The following HDAC7 variants were observed in gnomAD, a reference collection of about 807,000 sequenced individuals.
The protein encoded by HDAC7 is histone deacetylase 7.
HDAC7 carries 26 observed loss-of-function variants against 115.5 expected under a neutral mutation model. The observed-to-expected ratio is 0.23, with a 90% CI of 0.16 to 0.31. HDAC7 has a LOEUF of 0.31. Ranked by LOEUF, HDAC7 falls within the 10% of genes least tolerant of loss-of-function variation. The probability of loss-of-function intolerance (pLI) is 1.00; values close to 1 mark genes in which losing one functional copy is unlikely to be tolerated. For missense variants in HDAC7, 1,068 were observed against 1,329.0 expected (o/e 0.80, Z 3.05); for synonymous variants, 564 against 550.9 (o/e 1.02, Z -0.33).
intron 22 of HDAC7, 99 bp downstream of exon 22, chr12:47,786,486 C>G: frequency 1.2e-6 from 1 of 824,098 alleles, no homozygotes; most frequent in Non-Finnish European, 2.0e-6. Flanking sequence ...CCTGGGCTGG[C>G]CACTGCCACC....
intron 1 of HDAC7, among the ~76,000 whole-genome samples, chr12:47,808,823 T>G (rs1470813124): frequency 1.3e-5 from 2 of 152,172 alleles, no homozygotes; most frequent in African/African-American, 4.8e-5. Context: ...TGGGCTCCCC[T>G]AGTCCACACT....
intron 1 of HDAC7, among the ~76,000 whole-genome samples, chr12:47,814,480 A>G (rs1944794646): frequency 6.6e-6 from 1 of 152,056 alleles, no homozygotes. Context: ...GAAACAGGAG[A>G]GCTCCTGGGG....
rs745928925 is a variant in HDAC7, at chr12:47,793,946, T to C, written c.1459-358A>G. Among the ~76,000 whole-genome samples the C allele has an allele frequency of 3.8e-4, 58 of 152,310 alleles. No homozygotes were observed. Among genetic ancestry groups the C allele is most frequent in the Middle Eastern group, 3.4e-3 (1 of 294 alleles). On this transcript the variant is annotated intron_variant, in intron 12 of 25. Coordinates refer to ENST00000080059, the MANE Select transcript of HDAC7 (RefSeq NM_015401.5). The surrounding 1 kb of genome is among the most constrained non-coding windows in gnomAD (Gnocchi z 4.5). ...GTGTGTGGCCTGTCATCATGTGTTA[T>C]GGAGTAAATTATGTTCCCCACCCTC...
At chr12:47,792,662 G>A (rs551736113) in intron 13 of HDAC7, 110 of 455,974 alleles carry the variant, frequency 2.4e-4, no homozygotes, top group South Asian at 1.7e-3. Context: ...TACTTCTTTA[G>A]AGTGAACCTT....
At chr12:47,794,676 G>A (rs573966881) in intron 12 of HDAC7, 84 bp downstream of exon 12, 115 of 1,363,564 alleles carry the variant, frequency 8.4e-5, no homozygotes, top group Non-Finnish European at 1.1e-4. Flanking sequence ...CACTGATGTC[G>A]TATCTCCCTC....
intron 23 of HDAC7, 30 bp from the exon 24 acceptor site, chr12:47,785,501 C>A: frequency 1.3e-6 from 2 of 1,584,950 alleles, no homozygotes; most frequent in South Asian, 1.2e-5. Flanking sequence ...AGCCACCAGT[C>A]TCTCAGGGAC....
chr12:47,793,190 G>C lies in HDAC7; in HGVS notation c.1678+179C>G. ...TGTCACCTTAGATTTCGTGAGCCTTGGTCCTCATCGGCCAAATGCAATAAC... is the reference window on the plus strand; with the variant it reads ...TGTCACCTTAGATTTCGTGAGCCTTCGTCCTCATCGGCCAAATGCAATAAC... On this transcript the variant is annotated intron_variant, in intron 13 of 25. Transcript: ENST00000080059. The surrounding 1 kb of genome is among the most constrained non-coding windows in gnomAD (Gnocchi z 4.5). 1 of 555,758 alleles carries C rather than the reference G, an allele frequency of 1.8e-6. No individual in the cohort carries two copies. 34.4% of individuals were successfully genotyped at this position (555,758 alleles called of 1,614,324 possible). A position where few individuals can be genotyped will look rare whatever the true frequency, so the allele number is the denominator to read the frequency against.
intron 20 of HDAC7, 40 bp from the exon 21 acceptor site, chr12:47,787,849 G>A (rs1241641471): frequency 3.2e-6 from 5 of 1,576,494 alleles, no homozygotes; most frequent in South Asian, 1.1e-5. Context: ...GGACAGCAGA[G>A]TCCCAGAAGG....
At position 47,794,951 on chromosome 12, in the gene HDAC7, T is replaced by C. The variant is rs1943727542; in HGVS notation, c.1285-18A>G. ...GCTGACCTCTGGGGAGGGGAGAACC[T>C]GGCTGAGAAGCCATGGTGGAGCGAG... On this transcript the variant is annotated intron_variant, in intron 11 of 25. Transcript: ENST00000080059. The C allele has an allele frequency of 5.6e-6, 9 of 1,601,162 alleles. No individual in the cohort carries two copies. Among genetic ancestry groups the C allele is most frequent in the Non-Finnish European group, 7.7e-6 (9 of 1,174,126 alleles).
At chr12:47,787,995 T>G (rs6580637) in intron 20 of HDAC7, 50 bp downstream of exon 20, 2 of 1,592,466 alleles carry the variant, frequency 1.3e-6, no homozygotes, top group Non-Finnish European at 1.7e-6. Context: ...AGAGTAAGTG[T>G]CAGGAGGAGG....
intron 13 of HDAC7, chr12:47,792,308 C>A: frequency 4.4e-6 from 2 of 451,532 alleles, no homozygotes; most frequent in East Asian, 8.1e-5. Flanking sequence ...TGCTGGGTGG[C>A]CCAGGACTCG....
Position 47,803,696 on chromosome 12 carries a change from C to A in HDAC7, c.20-1422G>T, listed in dbSNP as rs1273573359. Among the ~76,000 whole-genome samples, 1 of 152,192 alleles carries A rather than the reference C, an allele frequency of 6.6e-6. No homozygotes were observed. The highest frequency in any genetic ancestry group is 1.5e-5 in the Non-Finnish European group (1 of 68,034). On this transcript the variant is annotated intron_variant, in intron 1 of 25. Coordinates refer to ENST00000080059, the MANE Select transcript of HDAC7 (RefSeq NM_015401.5). This position sits in a 1 kb window ranked among gnomAD's most constrained non-coding sequence, Gnocchi z 4.0. ...AAGCCATGCCCATCTGCACCAAACA[C>A]CTCGCAGGGCACGTGGCAGGCTCTG...
In HDAC7 at chr12:47,795,064, A is replaced by C. The variant is rs1943734724; in HGVS notation, c.1284+120T>G. On this transcript the variant is annotated intron_variant, in intron 11 of 25. Transcript: ENST00000080059. The surrounding 1 kb of genome is among the most constrained non-coding windows in gnomAD (Gnocchi z 4.3). Reference sequence around the variant, plus strand: ...TGCCATGCAGCTCTGGGCCCCAAGAAGCCACATCCCCCTCTTTTGCCCTCC... The same window carrying C: ...TGCCATGCAGCTCTGGGCCCCAAGACGCCACATCCCCCTCTTTTGCCCTCC... 1 of 1,316,198 alleles carries C rather than the reference A, an allele frequency of 7.6e-7. No individual in the cohort carries two copies. Among genetic ancestry groups the C allele is most frequent in the Non-Finnish European group, 1.1e-6 (1 of 943,034 alleles). 81.5% of individuals were successfully genotyped at this position (1,316,198 alleles called of 1,614,324 possible).
chr12:47,815,693 C>T (rs1304406870), intron 1 of HDAC7, among the ~76,000 whole-genome samples: 1 of 152,138 alleles, frequency 6.6e-6, no homozygotes, highest in African/African-American at 2.4e-5. Flanking sequence ...CTCACTGCAA[C>T]CTCCACCTCC....
chr12:47,802,567 T>G, intron 1 of HDAC7: 1 of 1,220,334 alleles, frequency 8.2e-7, no homozygotes, highest in Non-Finnish European at 1.2e-6. Context: ...CACCCAGCAG[T>G]GCCCTCAGCC....
intron 17 of HDAC7, 70 bp from the exon 18 acceptor site, chr12:47,789,648 G>A: frequency 6.4e-7 from 1 of 1,550,528 alleles, no homozygotes. Flanking sequence ...CGTACCCCAA[G>A]AGTTCCAATC....
rs1383864646 is a variant in HDAC7, at chr12:47,816,478, A to G, written c.19+3289T>C. On this transcript the variant is annotated intron_variant, in intron 1 of 25. Coordinates refer to ENST00000080059, the MANE Select transcript of HDAC7 (RefSeq NM_015401.5). ...AACACCCAACACAGAACCACCACATAGATCACAAATTGCCCGGAACCACCA... is the reference window on the plus strand; with the variant it reads ...AACACCCAACACAGAACCACCACATGGATCACAAATTGCCCGGAACCACCA... Among the ~76,000 whole-genome samples the G allele has an allele frequency of 2.0e-5, 3 of 152,260 alleles. No homozygotes were observed. In the East Asian group the frequency reaches 5.8e-4, roughly 29 times the overall value.
At position 47,785,452 on chromosome 12, in the gene HDAC7, T is replaced by C. The variant is rs1377552258; in HGVS notation, c.2726A>G (p.Glu909Gly). 1 of 1,612,942 alleles carries C rather than the reference T, an allele frequency of 6.2e-7. No homozygotes were observed. Among genetic ancestry groups the C allele is most frequent in the Non-Finnish European group, 8.5e-7 (1 of 1,179,500 alleles). Residue 909 changes from glutamate to glycine, a missense_variant, in exon 24 of 26, where the codon GAA becomes GGA. Physicochemically the swap from Glu to Gly is moderately conservative, Grantham distance 98. Around this residue, in one of 6 missense-constraint regions of HDAC7, gnomAD observed 98 missense variants for 123.9 expected, o/e 0.79. Transcript: ENST00000080059. ...GAGGTTGGGTTTCTGTTTCCAGCCTTCTTCTGAAAGGGGATCCACCTATAG... is the reference window on the plus strand; with the variant it reads ...GAGGTTGGGTTTCTGTTTCCAGCCTCCTTCTGAAAGGGGATCCACCTATAG... ...LGNRVDPLSE[E>G]GWKQKPNLNA...
rs538316728 is a variant in HDAC7, at chr12:47,807,452, T to C, written c.20-5178A>G. Among the ~76,000 whole-genome samples the C allele has an allele frequency of 2.6e-4, 40 of 152,150 alleles. 1 individual carries two copies. The South Asian group carries it at 5.4e-3, about 21-fold the overall frequency. ...ATGAGTACGCTGAGGCCCAGCAGTA[T>C]TAGATAACTTGTCTGAGGTCACAGA... On this transcript the variant is annotated intron_variant, in intron 1 of 25. Transcript: ENST00000080059.
Sources: allele counts gnomAD v4.1 joint callset (sites outside exome capture counted in the v4.1 genomes callset), GRCh38; gene constraint gnomAD v4.1.1; regional missense constraint gnomAD v4.1.1; non-coding constraint Gnocchi (gnomAD v3.1); transcripts MANE v1.5; gene names NCBI Gene and HGNC (gene_info 2026-07-23, HGNC 2026-07-21).